Variants in PCOLCE observed in about 807,000 individuals in gnomAD.
The protein encoded by PCOLCE is procollagen C-endopeptidase enhancer 1.
In PCOLCE, 33 loss-of-function variants were observed where a neutral mutation model predicts 47.2. The observed-to-expected ratio is 0.70, with a 90% CI of 0.53 to 0.93. The LOEUF is 0.93. Ranked by LOEUF, PCOLCE falls within the 40% of genes least tolerant of loss-of-function variation. The pLI is 0.00. For missense variants in PCOLCE, 584 were observed against 585.3 expected, an observed-to-expected ratio of 1.00 and a Z score of 0.02; for synonymous variants, 254 against 252.5, an observed-to-expected ratio of 1.01 and a Z score of -0.06.
rs1802699606 is a variant in PCOLCE at position 100,605,596 on chromosome 7, C to CTGCAGGCACCCAGTAGGAGATGAGG, written c.589-72_589-48dup. The CTGCAGGCACCCAGTAGGAGATGAGG allele has an allele frequency of 2.7e-6, 4 of 1,496,208 alleles. No homozygotes were observed. Among genetic ancestry groups the CTGCAGGCACCCAGTAGGAGATGAGG allele is most frequent in the African/African-American group, 2.8e-5 (2 of 71,872 alleles). 92.7% of individuals were successfully genotyped at this position (1,496,208 alleles called of 1,614,324 possible). On this transcript the variant is annotated intron_variant, in intron 4 of 8. Transcript: ENST00000223061. This position sits in a 1 kb window ranked among gnomAD's most constrained non-coding sequence, Gnocchi z 6.1. ...ACGCGGGAGGTGGGAGTGGGAGCTG[C>CTGCAGGCACCCAGTAGGAGATGAGG]TGCAGGCACCCAGTAGGAGATGAGG...
rs768662934 is a variant in PCOLCE, at chr7:100,605,153, C to T, written c.526C>T (p.Pro176Ser). The change falls in exon 4 of 9, where the codon CCC becomes TCC. Residue 176 changes from proline (P) to serine (S), a missense_variant. Coordinates refer to ENST00000223061, the MANE Select transcript of PCOLCE (RefSeq NM_002593.4). The surrounding 1 kb of genome is among the most constrained non-coding windows in gnomAD (Gnocchi z 6.1). ...GGGAACCCTGACCACGCCCAACTGG[C>T]CCGAGTCCGATTACCCCCCGGGCAT... ...AQGTLTTPNW[P>S]ESDYPPGISC... 2 of 1,613,016 alleles carry T rather than the reference C, an allele frequency of 1.2e-6. No homozygotes were observed. Among genetic ancestry groups the T allele is most frequent in the Non-Finnish European group, 1.7e-6 (2 of 1,179,610 alleles).
rs1416855749 is a variant in PCOLCE, at chr7:100,605,457, T to G, written c.589-219T>G. ...AACACGCGGGCCTGTCACTTGTGAG[T>G]GCGCCAGGACTTGACCTTGCCAACC... On this transcript the variant is annotated intron_variant, in intron 4 of 8. Transcript: ENST00000223061. This position sits in a 1 kb window ranked among gnomAD's most constrained non-coding sequence, Gnocchi z 6.1. The G allele has an allele frequency of 3.0e-6, 2 of 659,422 alleles. No individual in the cohort carries two copies. Among genetic ancestry groups the G allele is most frequent in the Non-Finnish European group, 5.1e-6 (2 of 391,278 alleles). 40.8% of individuals were successfully genotyped at this position (659,422 alleles called of 1,614,324 possible).
intron 6 of PCOLCE, 37 bp downstream of exon 6, chr7:100,606,667 G>A (rs748754172): frequency 6.7e-7 from 1 of 1,495,270 alleles, no homozygotes; most frequent in South Asian, 1.2e-5. Flanking sequence ...GAAACAGACT[G>A]AAGGGGGCCA....
In PCOLCE at chr7:100,605,622, T is replaced by G; in HGVS notation, c.589-54T>G. On this transcript the variant is annotated intron_variant, in intron 4 of 8. Coordinates refer to ENST00000223061, the MANE Select transcript of PCOLCE (RefSeq NM_002593.4). The surrounding 1 kb of genome is among the most constrained non-coding windows in gnomAD (Gnocchi z 6.1). Reference sequence around the variant, plus strand: ...TGCAGGCACCCAGTAGGAGATGAGGTGCAGGCGCCCAGGGGTGTCCCGCCG... The same window carrying G: ...TGCAGGCACCCAGTAGGAGATGAGGGGCAGGCGCCCAGGGGTGTCCCGCCG... The G allele has an allele frequency of 6.5e-7, 1 of 1,539,570 alleles. No individual in the cohort carries two copies. The highest frequency in any genetic ancestry group is 8.8e-7 in the Non-Finnish European group (1 of 1,140,656).
chr7:100,604,593 C>T lies in PCOLCE; in HGVS notation c.463+376C>T, dbSNP rs1021179786. On this transcript the variant is annotated intron_variant, in intron 3 of 8. Transcript: ENST00000223061. This position sits in a 1 kb window ranked among gnomAD's most constrained non-coding sequence, Gnocchi z 6.4. ...GGCTGGGGGGACTAGGTTCCTCCAA[C>T]CCCGGGGGGCCCCTACACCCAGCCC... 5.4e-6 allele frequency: 2 copies of T among 370,452 alleles called. No homozygotes were observed. The highest frequency in any genetic ancestry group is 1.0e-5 in the Non-Finnish European group (2 of 196,558). 22.9% of individuals were successfully genotyped at this position (370,452 alleles called of 1,614,324 possible).
rs2131289813 is a variant in PCOLCE, at chr7:100,606,546, C to T, written c.856C>T (p.Pro286Ser). Residue 286 changes from proline to serine, a missense_variant, in exon 6 of 9, where the codon CCC becomes TCC. Pro to Ser is a moderately conservative substitution (Grantham distance 74). Transcript: ENST00000223061. ...TGCCAAAGAAGGGCAAGGGCCCGGC[C>T]CCAAACGGGGAACTGAGCCTAAAGT... ...GTAKEGQGPG[P>S]KRGTEPKVKL... 1.2e-6 allele frequency: 2 copies of T among 1,614,184 alleles called. No individual in the cohort carries two copies. The highest frequency in any genetic ancestry group is 1.6e-4 in the Middle Eastern group (1 of 6,062).
At position 100,604,117 on chromosome 7, in the gene PCOLCE, C is replaced by A; in HGVS notation, c.363C>A (p.Val121=). The change falls in exon 3 of 9, where the codon GTC becomes GTA. Residue 121 remains valine, a synonymous_variant. Coordinates refer to ENST00000223061, the MANE Select transcript of PCOLCE (RefSeq NM_002593.4). The surrounding 1 kb of genome is among the most constrained non-coding windows in gnomAD (Gnocchi z 6.4). ...GGACCTTCCGGCCTGCGCCCCTAGTCGCCCCCGGCAACCAGGTGACCCTGA... is the reference window on the plus strand; with the variant it reads ...GGACCTTCCGGCCTGCGCCCCTAGTAGCCCCCGGCAACCAGGTGACCCTGA... ...FCGTFRPAPL[V]APGNQVTLRM... 6.2e-7 allele frequency: 1 copy of A among 1,612,050 alleles called. No individual in the cohort carries two copies. The highest frequency in any genetic ancestry group is 8.5e-7 in the Non-Finnish European group (1 of 1,179,988).
rs1424585406 is a variant in PCOLCE, at chr7:100,605,410, G to A, written c.588+195G>A. On this transcript the variant is annotated intron_variant, in intron 4 of 8. Coordinates refer to ENST00000223061, the MANE Select transcript of PCOLCE (RefSeq NM_002593.4). This position sits in a 1 kb window ranked among gnomAD's most constrained non-coding sequence, Gnocchi z 6.1. Reference sequence around the variant, plus strand: ...TACAACTGAGACAAGTCTCAGGAGAGCGAGGTACAGGGTCCTGGTATAACA... The same window carrying A: ...TACAACTGAGACAAGTCTCAGGAGAACGAGGTACAGGGTCCTGGTATAACA... 8.9e-6 allele frequency: 6 copies of A among 672,846 alleles called. No homozygotes were observed. Among genetic ancestry groups the A allele is most frequent in the African/African-American group, 5.4e-5 (3 of 55,064 alleles). The allele number at this position is 672,846 out of a possible 1,614,324, so 41.7% of individuals were successfully genotyped here.
intron 6 of PCOLCE, 60 bp from the exon 7 acceptor site, chr7:100,607,391 AT>A: frequency 1.5e-6 from 2 of 1,332,096 alleles, no homozygotes; most frequent in East Asian, 4.6e-5. Flanking sequence ...TGAGGCTGTT[AT>A]GGGGACAGTG....
rs780560089 is a variant in PCOLCE, at chr7:100,604,016, C to G, written c.262C>G (p.Pro88Ala). ...SFRVFDLELHPACRYDALEVF... is the reference protein window; with the variant it reads ...SFRVFDLELHAACRYDALEVF... Reference sequence around the variant, plus strand: ...CCGAGTCTTCGACCTGGAGCTGCACCCCGCCTGCCGCTACGATGCTCTGGA... The same window carrying G: ...CCGAGTCTTCGACCTGGAGCTGCACGCCGCCTGCCGCTACGATGCTCTGGA... Residue 88 changes from proline (P) to alanine (A), a missense_variant, in exon 3 of 9, where the codon CCC becomes GCC. Physicochemically the swap from Pro to Ala is conservative, Grantham distance 27. Coordinates refer to ENST00000223061, the MANE Select transcript of PCOLCE (RefSeq NM_002593.4). This position sits in a 1 kb window ranked among gnomAD's most constrained non-coding sequence, Gnocchi z 6.4. 4 of 1,605,594 alleles carry G rather than the reference C, an allele frequency of 2.5e-6. No homozygotes were observed. In the South Asian group the frequency reaches 3.3e-5, roughly 13 times the overall value.
At chr7:100,603,392 C>A (rs752008401) in intron 1 of PCOLCE, 38 bp from the exon 2 acceptor site, 1 of 1,080,100 alleles carries the variant, frequency 9.3e-7, no homozygotes, top group Non-Finnish European at 1.4e-6. Context: ...CCGTCCCACC[C>A]GTCCCTGCTC....
In PCOLCE at chr7:100,602,452, G is replaced by C. The variant is rs374650302; in HGVS notation, c.-5G>C. 1.6e-5 allele frequency: 26 copies of C among 1,604,730 alleles called. No homozygotes were observed. In the African/African-American group the frequency reaches 2.7e-4, roughly 16 times the overall value. On this transcript the variant is annotated 5_prime_UTR_variant, in exon 1 of 9. Transcript: ENST00000223061. ...TGAGGACCCCAGCGCCTTTCCCCCG[G>C]GGCCATGCTGCCTGCAGCCACAGCC...
chr7:100,607,867 G>A (rs1296984956), intron 8 of PCOLCE, 60 bp downstream of exon 8: 1 of 1,611,264 alleles, frequency 6.2e-7, no homozygotes, highest in Non-Finnish European at 8.5e-7. Flanking sequence ...AATGATCAAG[G>A]TGTGGAATCT....
chr7:100,605,862 GCA>G lies in PCOLCE; in HGVS notation c.725+52_725+53del. The G allele has an allele frequency of 6.5e-7, 1 of 1,532,972 alleles. No homozygotes were observed. Among genetic ancestry groups the G allele is most frequent in the East Asian group, 2.5e-5 (1 of 40,554 alleles). The allele number at this position is 1,532,972 out of a possible 1,614,324, so 95.0% of individuals were successfully genotyped here. A position where few individuals can be genotyped will look rare whatever the true frequency, so the allele number is the denominator to read the frequency against. The stretch of plus-strand genomic sequence containing the variant: ...CCGGGAGAGAGTCGGCGGACCGCAC[GCA>G]CGCGGCTGTTTGGAGGGGCGGGGTT... On this transcript the variant is annotated intron_variant, in intron 5 of 8. Transcript: ENST00000223061. The surrounding 1 kb of genome is among the most constrained non-coding windows in gnomAD (Gnocchi z 6.1).
At chr7:100,602,914 A>G in intron 1 of PCOLCE, 1 of 330,676 alleles carries the variant, frequency 3.0e-6, no homozygotes, top group Admixed American at 4.8e-5. Context: ...CAGTGAGTGG[A>G]GACTTGGGAG....
Position 100,604,217 on chromosome 7 carries a change from G to A in PCOLCE, c.463G>A (p.Glu155Lys), listed in dbSNP as rs1259232704. 1.2e-6 allele frequency: 2 copies of A among 1,609,194 alleles called. No individual in the cohort carries two copies. The highest frequency in any genetic ancestry group is 1.7e-6 in the Non-Finnish European group (2 of 1,179,240). Residue 155 changes from glutamate to lysine, a missense_variant and splice_region_variant, in exon 3 of 9, where the codon GAG becomes AAG. Coordinates refer to ENST00000223061, the MANE Select transcript of PCOLCE (RefSeq NM_002593.4). This position sits in a 1 kb window ranked among gnomAD's most constrained non-coding sequence, Gnocchi z 6.4. ...WYSGRATSGT[E>K]HQFCGGRLEK... ...CAGCGGGCGGGCCACCTCGGGCACT[G>A]GTGAGAACTCCCTCACCTCCGCCTT...
At chr7:100,607,090 C>CAAAAAAAAAAAAAAAAAAAAAAAAAA (rs559618495) in intron 6 of PCOLCE, among the ~76,000 whole-genome samples, 26 of 105,234 alleles carry the variant, frequency 2.5e-4, no homozygotes, top group African/African-American at 9.5e-4. Flanking sequence ...GATTCTGTCT[C>CAAAAAAAAAAAAAAAAAAAAAAAAAA]AAAAAAAAAA....
In PCOLCE at chr7:100,605,040, G is replaced by C. The variant is rs1044759081; in HGVS notation, c.464-51G>C. 7.6e-6 allele frequency: 11 copies of C among 1,446,954 alleles called. No individual in the cohort carries two copies. Among genetic ancestry groups the C allele is most frequent in the Middle Eastern group, 2.1e-4 (1 of 4,756 alleles). The allele number at this position is 1,446,954 out of a possible 1,614,324, so 89.6% of individuals were successfully genotyped here. ...CCCAGCCTAGAGTTCTCCTGAAGCTGACCGAGGGTCTCCACCGCCCCCCAC... is the reference window on the plus strand; with the variant it reads ...CCCAGCCTAGAGTTCTCCTGAAGCTCACCGAGGGTCTCCACCGCCCCCCAC... On this transcript the variant is annotated intron_variant, in intron 3 of 8. Transcript: ENST00000223061. This position sits in a 1 kb window ranked among gnomAD's most constrained non-coding sequence, Gnocchi z 6.1.
rs777844367 is a variant in PCOLCE, at chr7:100,607,790, GC to G, written c.1173del (p.Met392Ter). 1 of 1,613,972 alleles carries G rather than the reference GC, an allele frequency of 6.2e-7. No individual in the cohort carries two copies. The highest frequency in any genetic ancestry group is 8.5e-7 in the Non-Finnish European group (1 of 1,179,990). ...SLKFYVPCKQ[C>X]PPMKKGVSYL... ...AAGTTTTACGTGCCTTGCAAGCAGT[GC>G]CCCCCCATGAAGAAAGGTAACAGAG... On this transcript the variant is annotated frameshift_variant, in exon 8 of 9. Transcript: ENST00000223061. LOFTEE classifies it high-confidence loss of function.
Sources: gnomAD v4.1 joint callset for allele counts (sites outside exome capture counted in the v4.1 genomes callset) on GRCh38, gnomAD v4.1.1 for gene constraint, Gnocchi (gnomAD v3.1) non-coding constraint, MANE v1.5 for transcripts, NCBI Gene and HGNC (gene_info 2026-07-23, HGNC 2026-07-21) for gene names.